Variants in AOAH observed in about 807,000 individuals in gnomAD.
AOAH encodes acyloxyacyl hydrolase.
Under a neutral mutation model 92.2 loss-of-function variants are expected in AOAH, and 64 were observed. The observed-to-expected ratio is 0.69, with a 90% CI of 0.57 to 0.86. The LOEUF is 0.86. Ranked by LOEUF, AOAH falls within the 40% of genes least tolerant of loss-of-function variation. The pLI is 0.00. For missense variants in AOAH, 656 were observed against 694.6 expected, an observed-to-expected ratio of 0.94 and a Z score of 0.62; for synonymous variants, 263 against 254.5, an observed-to-expected ratio of 1.03 and a Z score of -0.32.
chr7:36,714,448 A>G (rs1456726360), intron 1 of AOAH, among the ~76,000 whole-genome samples: 13 of 152,242 alleles, frequency 8.5e-5, no homozygotes, highest in Non-Finnish European at 1.8e-4. Context: ...ATCAATAGAA[A>G]AAGAGGGAAT....
At chr7:36,709,981 C>T (rs1395541014) in intron 1 of AOAH, among the ~76,000 whole-genome samples, 2 of 152,128 alleles carry the variant, frequency 1.3e-5, no homozygotes, top group Non-Finnish European at 2.9e-5. Flanking sequence ...GGAACTAAGT[C>T]ACATAAATTC....
chr7:36,521,127 G>A (rs977930970), intron 20 of AOAH, among the ~76,000 whole-genome samples: 1 of 152,080 alleles, frequency 6.6e-6, no homozygotes, highest in African/African-American at 2.4e-5. Context: ...GCCCTCCTGT[G>A]GCCTAGGTCT....
At chr7:36,532,856 C>G (rs576353282) in intron 16 of AOAH, among the ~76,000 whole-genome samples, 1 of 152,270 alleles carries the variant, frequency 6.6e-6, no homozygotes, top group South Asian at 2.1e-4. Flanking sequence ...TTCTGAGTAT[C>G]TGAAGCTCTG....
chr7:36,682,249 G>C (rs908926523), intron 2 of AOAH, among the ~76,000 whole-genome samples: 4 of 151,314 alleles, frequency 2.6e-5, no homozygotes, highest in African/African-American at 9.6e-5. Flanking sequence ...AAGTCCAGAT[G>C]AAAGTAAATA....
At position 36,553,672 on chromosome 7, in the gene AOAH, C is replaced by T. The variant is rs150225610; in HGVS notation, c.1022-4197G>A. On this transcript the variant is annotated intron_variant, in intron 13 of 20. Coordinates refer to ENST00000617537, the MANE Select transcript of AOAH (RefSeq NM_001637.4). ...TGTTGTTTCCTGACTTTTTAATGAT[C>T]GCCATTCTAACTGGTGTGAGATGGT... Among the ~76,000 whole-genome samples the T allele has an allele frequency of 5.8e-3, 880 of 151,976 alleles. 4 individuals carry two copies. The highest frequency in any genetic ancestry group is 8.8e-3 in the Non-Finnish European group (600 of 67,916).
intron 20 of AOAH, chr7:36,514,469 T>G (rs1251441011): frequency 6.5e-7 from 1 of 1,532,700 alleles, no homozygotes; most frequent in African/African-American, 1.4e-5. Flanking sequence ...GCCTGAGGCT[T>G]ACTCTCTGGT....
chr7:36,645,088 T>G (rs1007291788), intron 4 of AOAH, among the ~76,000 whole-genome samples: 4 of 152,130 alleles, frequency 2.6e-5, no homozygotes, highest in African/African-American at 9.7e-5. Context: ...AGGAGGGAAG[T>G]GCATAAATAA....
chr7:36,536,477 A>G (rs935657580), intron 16 of AOAH, among the ~76,000 whole-genome samples: 8 of 152,130 alleles, frequency 5.3e-5, no homozygotes, highest in African/African-American at 1.9e-4. Context: ...TGAGATCTAC[A>G]GTGGCCTGGG....
intron 11 of AOAH, among the ~76,000 whole-genome samples, chr7:36,612,129 C>T (rs1421327391): frequency 1.3e-5 from 2 of 151,970 alleles, no homozygotes; most frequent in Non-Finnish European, 1.5e-5. Context: ...TCTTGAGCCA[C>T]AATATTTGGT....
intron 19 of AOAH, among the ~76,000 whole-genome samples, chr7:36,526,213 C>T (rs941793504): frequency 6.6e-6 from 1 of 152,134 alleles, no homozygotes; most frequent in Non-Finnish European, 1.5e-5. Flanking sequence ...AAAGAAAATG[C>T]TCCAAGTTTA....
At chr7:36,707,527 G>A (rs1235898214) in intron 1 of AOAH, among the ~76,000 whole-genome samples, 1 of 152,118 alleles carries the variant, frequency 6.6e-6, no homozygotes. Context: ...TTGGCATAGG[G>A]TTGCCATAAA....
intron 20 of AOAH, among the ~76,000 whole-genome samples, chr7:36,517,919 ACACACACACACC>A (rs1475908765): frequency 1.5e-4 from 7 of 45,638 alleles, no homozygotes; most frequent in East Asian, 1.5e-3. Flanking sequence ...ATATCTGAAC[ACACACACACACC>A]CACACACACA....
intron 4 of AOAH, 27 bp from the exon 5 acceptor site, chr7:36,637,937 A>T (rs977056388): frequency 3.6e-5 from 56 of 1,557,444 alleles, no homozygotes; most frequent in Non-Finnish European, 4.7e-5. Flanking sequence ...AGAGAACATT[A>T]CAACTCATGT....
chr7:36,566,359 C>A (rs897421525), intron 13 of AOAH, among the ~76,000 whole-genome samples: 1 of 120,700 alleles, frequency 8.3e-6, no homozygotes, highest in African/African-American at 3.0e-5. Context: ...TCATCCTTAA[C>A]TTTTTTTTTT....
intron 11 of AOAH, among the ~76,000 whole-genome samples, chr7:36,615,512 C>A (rs774646584): frequency 7.9e-5 from 12 of 152,150 alleles, no homozygotes; most frequent in South Asian, 2.1e-4. Context: ...CCACAGGAAG[C>A]CCCAACTGCA....
chr7:36,556,886 G>A (rs1238865524), intron 13 of AOAH, among the ~76,000 whole-genome samples: 32 of 150,594 alleles, frequency 2.1e-4, no homozygotes, highest in Admixed American at 1.7e-3. Flanking sequence ...GTCTCTGCAC[G>A]TGAGATGGGT....
chr7:36,623,286 C>CA (rs761889547), intron 6 of AOAH, 36 bp from the exon 7 acceptor site: 4 of 1,584,842 alleles, frequency 2.5e-6, no homozygotes, highest in East Asian at 4.5e-5. Context: ...GGTGAGCTAA[C>CA]AAAAAAAGTA....
intron 16 of AOAH, among the ~76,000 whole-genome samples, chr7:36,538,703 C>A (rs918449175): frequency 6.6e-5 from 10 of 152,100 alleles, no homozygotes; most frequent in Non-Finnish European, 1.5e-4. Context: ...CATTCTTAGC[C>A]CAGGTTGGTG....
At chr7:36,600,531 C>A (rs1269114646) in intron 11 of AOAH, among the ~76,000 whole-genome samples, 2 of 152,068 alleles carry the variant, frequency 1.3e-5, no homozygotes, top group Non-Finnish European at 2.9e-5. Flanking sequence ...GGGAAAGGCC[C>A]CCGGGAGACG....
Sources: allele counts gnomAD v4.1 joint callset (sites outside exome capture counted in the v4.1 genomes callset), GRCh38; gene constraint gnomAD v4.1.1; transcripts MANE v1.5; gene names NCBI Gene and HGNC (gene_info 2026-07-23, HGNC 2026-07-21).